Variants in RYR1 observed in about 807,000 individuals in gnomAD.
The protein encoded by RYR1 is central core disease of muscle.
In RYR1, 342 loss-of-function variants were observed where a neutral mutation model predicts 583.5. The observed-to-expected ratio is 0.59, with a 90% CI of 0.54 to 0.64. The LOEUF is 0.64. RYR1 is among the 30% of genes least tolerant of loss of function. The pLI is 0.00. For synonymous variants in RYR1, 2,791 were observed against 2,822.5 expected (o/e 0.99, Z 0.35); for missense variants, 6,032 against 6,917.2 (o/e 0.87, Z 4.54).
At chr19:38,437,107 A>G (rs927258660) in intron 1 of RYR1, among the ~76,000 whole-genome samples, 5 of 150,982 alleles carry the variant, frequency 3.3e-5, no homozygotes, top group African/African-American at 4.9e-5. Context: ...CTGGAGTGCA[A>G]TGGCACAATC....
chr19:38,568,581 CAAA>C (rs59369147), intron 93 of RYR1, among the ~76,000 whole-genome samples: 690 of 64,882 alleles, frequency 0.011, 5 homozygotes, highest in African/African-American at 0.029. Flanking sequence ...ACTAAAAATA[CAAA>C]AAAAAAAAAA....
chr19:38,560,192 C>T (rs140298785), intron 89 of RYR1, among the ~76,000 whole-genome samples: 48 of 151,004 alleles, frequency 3.2e-4, no homozygotes, highest in African/African-American at 1.0e-3. Flanking sequence ...GGCAAAACCC[C>T]GTCTACAAAA....
At position 38,502,945 on chromosome 19, in the gene RYR1, A is replaced by G. The variant is rs1214237852; in HGVS notation, c.7901A>G (p.Asn2634Ser). 1.2e-6 allele frequency: 2 copies of G among 1,610,742 alleles called. No individual in the cohort carries two copies. The highest frequency in any genetic ancestry group is 1.7e-6 in the Non-Finnish European group (2 of 1,179,978). ...RRLVFDVPIL[N>S]EFAKMPLKLL... ...CTGGTGTTCGACGTGCCCATCCTCA[A>G]CGAGTTCGCCAAGATGCCACTCAAG... Residue 2634 changes from asparagine to serine, a missense_variant, in exon 49 of 106, where the codon AAC (asparagine) becomes AGC (serine). By Grantham distance (46) the Asn-to-Ser change is conservative. Transcript: ENST00000359596.
chr19:38,586,537 G>A lies in RYR1; in HGVS notation c.14982G>A (p.Met4994Ile), dbSNP rs758010737. Residue 4994 changes from methionine (M) to isoleucine (I), a missense_variant, in exon 105 of 106, where the codon ATG becomes ATA. Physicochemically the swap from Met to Ile is conservative, Grantham distance 10. Coordinates refer to ENST00000359596, the MANE Select transcript of RYR1 (RefSeq NM_000540.3). ...CTCTCACCCTCAGGTTTTTCCTGAT[G>A]TATTTGATAAACAAGGATGAGACAG... ...HNLANYMFFLMYLINKDETEH... is the reference protein window; with the variant it reads ...HNLANYMFFLIYLINKDETEH... 1.2e-6 allele frequency: 2 copies of A among 1,614,132 alleles called. No individual in the cohort carries two copies. Among genetic ancestry groups the A allele is most frequent in the East Asian group, 2.2e-5 (1 of 44,884 alleles).
At chr19:38,542,884 C>T (rs1404441371) in intron 84 of RYR1, among the ~76,000 whole-genome samples, 1 of 151,378 alleles carries the variant, frequency 6.6e-6, no homozygotes, top group East Asian at 1.9e-4. Flanking sequence ...TCTTGTTGCC[C>T]AGGCTGGACT....
chr19:38,578,249 G>C (rs372883965), intron 99 of RYR1, 45 bp downstream of exon 99: 72 of 1,596,612 alleles, frequency 4.5e-5, no homozygotes, highest in Non-Finnish European at 5.8e-5. Flanking sequence ...GCAGGGGTGG[G>C]GCGTTAGGAG....
intron 101 of RYR1, among the ~76,000 whole-genome samples, chr19:38,581,244 AT>A (rs1311245985): frequency 2.6e-5 from 4 of 151,984 alleles, no homozygotes; most frequent in Admixed American, 1.3e-4. Context: ...CGCCTGGCAA[AT>A]TTTTTGTATT....
At chr19:38,532,771 T>C (rs1284814693) in intron 78 of RYR1, 35 bp downstream of exon 78, 4 of 1,601,990 alleles carry the variant, frequency 2.5e-6, no homozygotes, top group African/African-American at 1.3e-5. Flanking sequence ...AGGGAAGGGA[T>C]GGGGGACCCT....
rs1968280444 is a variant in RYR1 at position 38,469,135 on chromosome 19, G to C, written c.3551G>C (p.Gly1184Ala). ...ACAGCCTTCCGGGAGATTGAGATTGGGGACGGTGAGGGCTGAGACCCCTTC... is the reference window on the plus strand; with the variant it reads ...ACAGCCTTCCGGGAGATTGAGATTGCGGACGGTGAGGGCTGAGACCCCTTC... ...SETAFREIEI[G>A]DGFLPVCSLG... The change falls in exon 26 of 106, where the codon GGG becomes GCG. Residue 1184 changes from glycine to alanine, a missense_variant. Coordinates refer to ENST00000359596, the MANE Select transcript of RYR1 (RefSeq NM_000540.3). The C allele has an allele frequency of 4.3e-6, 7 of 1,614,138 alleles. No individual in the cohort carries two copies. The highest frequency in any genetic ancestry group is 5.1e-6 in the Non-Finnish European group (6 of 1,180,040).
intron 58 of RYR1, 126 bp from the exon 59 acceptor site, chr19:38,510,372 A>C: frequency 1.1e-6 from 1 of 919,706 alleles, no homozygotes; most frequent in Non-Finnish European, 1.7e-6. Flanking sequence ...AGCCAACACA[A>C]ATGACTTCAT....
rs1413005482 is a variant in RYR1 at position 38,496,180 on chromosome 19, C to T, written c.6549-35C>T. 1.3e-6 allele frequency: 2 copies of T among 1,577,938 alleles called. No individual in the cohort carries two copies. Among genetic ancestry groups the T allele is most frequent in the South Asian group, 1.1e-5 (1 of 90,398 alleles). On this transcript the variant is annotated intron_variant, in intron 39 of 105. Coordinates refer to ENST00000359596, the MANE Select transcript of RYR1 (RefSeq NM_000540.3). This position sits in a 1 kb window ranked among gnomAD's most constrained non-coding sequence, Gnocchi z 4.8. ...GGCTATGGCCCTCTCCGGACCTGGG[C>T]CCCTGGTGACCCCGCACACTCTGCC...
intron 89 of RYR1, among the ~76,000 whole-genome samples, chr19:38,552,950 T>G (rs537279938): frequency 3.9e-5 from 6 of 152,328 alleles, no homozygotes; most frequent in Non-Finnish European, 7.3e-5. Context: ...ATTTTACAGC[T>G]CAACATCTGT....
Position 38,505,821 on chromosome 19 carries a change from C to T in RYR1, c.8416C>T (p.Arg2806Cys), listed in dbSNP as rs772769577. The change falls in exon 54 of 106, where the codon CGC (arginine) becomes TGC (cysteine). Residue 2806 changes from arginine (R) to cysteine (C), a missense_variant. Around this residue, in one of 11 missense-constraint regions of RYR1, gnomAD observed 1,493 missense variants for 1,715.5 expected, o/e 0.87. Transcript: ENST00000359596. ...TFSEKDKEIY[R>C]WPIKESLKAM... is the part of the protein sequence containing the mutation. ...TCCACCCCAGGACAAAGAGATTTAC[C>T]GCTGGCCCATCAAGGAGTCCCTGAA... is the stretch of plus-strand genomic sequence containing the variant. 29 of 1,613,974 alleles carry T rather than the reference C, an allele frequency of 1.8e-5. No individual in the cohort carries two copies. The highest frequency in any genetic ancestry group is 1.5e-4 in the Admixed American group (9 of 59,976).
intron 66 of RYR1, among the ~76,000 whole-genome samples, chr19:38,518,927 CAAA>C (rs549791781): frequency 1.7e-5 from 2 of 118,522 alleles, no homozygotes; most frequent in African/African-American, 3.2e-5. Flanking sequence ...AACTCTGTCT[CAAA>C]AAAAAAAAAA....
chr19:38,511,589 C>T lies in RYR1; in HGVS notation c.9151C>T (p.Arg3051Cys), dbSNP rs761187396. 7 of 1,614,038 alleles carry T rather than the reference C, an allele frequency of 4.3e-6. No homozygotes were observed. The highest frequency in any genetic ancestry group is 2.7e-5 in the African/African-American group (2 of 75,044). The change falls in exon 61 of 106, where the codon CGC becomes TGC. Residue 3051 changes from arginine to cysteine, a missense_variant. Transcript: ENST00000359596. ...CTTCTGCAAACTTGCTGCTCTCGTC[C>T]GCCACCGAGTCTCTCTCTTTGGTAA... is the stretch of plus-strand genomic sequence containing the variant. The part of the protein sequence containing the change: ...SLFCKLAALV[R>C]HRVSLFGTDA...
At chr19:38,481,807 G>T (rs35880389) in intron 31 of RYR1, among the ~76,000 whole-genome samples, 5,716 of 151,892 alleles carry the variant, frequency 0.038, 354 homozygotes, top group African/African-American at 0.13. Flanking sequence ...GTTAAAATGG[G>T]CCGGGCGTGG....
In RYR1 at chr19:38,573,305, G is replaced by A. The variant is rs979347711; in HGVS notation, c.14127G>A (p.Thr4709=). ...AGTGGGACCGACTGGTGCTCAACAC[G>A]CCGTAAGGACCCAGCCCCCACCTCA... The part of the protein sequence containing the change: ...KGQWDRLVLN[T]PSFPSNYWDK... The change falls in exon 96 of 106, where the codon ACG becomes ACA. Residue 4709 remains threonine, a splice_region_variant and synonymous_variant. Coordinates refer to ENST00000359596, the MANE Select transcript of RYR1 (RefSeq NM_000540.3). 6 of 1,613,004 alleles carry A rather than the reference G, an allele frequency of 3.7e-6. No individual in the cohort carries two copies. In the Admixed American group the frequency reaches 8.3e-5, roughly 22 times the overall value.
At chr19:38,482,260 G>A (rs1220174737) in intron 31 of RYR1, among the ~76,000 whole-genome samples, 14 of 152,026 alleles carry the variant, frequency 9.2e-5, no homozygotes, top group Admixed American at 7.2e-4. Flanking sequence ...GCATTCCTGT[G>A]GTGGCTTTTT....
Position 38,584,949 on chromosome 19 carries a change from C to T in RYR1, c.14653C>T (p.Leu4885=), listed in dbSNP as rs747999073. The T allele has an allele frequency of 6.2e-7, 1 of 1,613,890 alleles. No individual in the cohort carries two copies. Among genetic ancestry groups the T allele is most frequent in the Admixed American group, 1.7e-5 (1 of 59,978 alleles). ...GTGTGCTCCCCTCCCTCAGTGTTAC[C>T]TGTTTCACATGTACGTGGGTGTCCG... ...MKCDDMMTCY[L]FHMYVGVRAG... The change falls in exon 102 of 106, where the codon CTG becomes TTG. Residue 4885 remains leucine, a synonymous_variant. Transcript: ENST00000359596.
Sources: gnomAD v4.1 joint callset for allele counts (sites outside exome capture counted in the v4.1 genomes callset) on GRCh38, gnomAD v4.1.1 for gene constraint, gnomAD v4.1.1 regional missense constraint, Gnocchi (gnomAD v3.1) non-coding constraint, MANE v1.5 for transcripts, NCBI Gene and HGNC (gene_info 2026-07-23, HGNC 2026-07-21) for gene names.